The following ACSS3 variants were observed in gnomAD, a reference collection of about 807,000 sequenced individuals.
ACSS3 encodes acyl-CoA synthetase short chain family member 3.
Under a neutral mutation model 84.2 loss-of-function variants are expected in ACSS3, and 64 were observed. The observed-to-expected ratio is 0.76, with a 90% CI of 0.62 to 0.94. The LOEUF (loss-of-function observed/expected upper bound fraction) is 0.94, where lower values mean the gene tolerates loss of function less well. Among genes scored for constraint, ACSS3 ranks in the 40% least tolerant of loss-of-function variants. ACSS3 has a pLI of 0.00. For synonymous variants in ACSS3, 317 were observed against 310.1 expected (o/e 1.02, Z -0.23); for missense variants, 815 against 867.6 (o/e 0.94, Z 0.76).
chr12:81,108,165 G>A (rs572386903), intron 1 of ACSS3, among the ~76,000 whole-genome samples: 23 of 151,924 alleles, frequency 1.5e-4, no homozygotes, highest in Non-Finnish European at 2.2e-4. Context: ...CTATGCTGTA[G>A]GTAATCAAAT....
intron 3 of ACSS3, among the ~76,000 whole-genome samples, chr12:81,135,645 GACAT>G (rs1205010277): frequency 6.6e-6 from 1 of 151,640 alleles, no homozygotes; most frequent in Non-Finnish European, 1.5e-5. Flanking sequence ...TGTATGCAAA[GACAT>G]ATAGAGTGGT....
At chr12:81,195,383 G>A (rs1335858294) in intron 8 of ACSS3, among the ~76,000 whole-genome samples, 4 of 151,556 alleles carry the variant, frequency 2.6e-5, no homozygotes, top group South Asian at 2.1e-4. Context: ...CATTTTAAAC[G>A]TTAAAACTTT....
At chr12:81,210,166 G>C (rs1177696708) in intron 9 of ACSS3, among the ~76,000 whole-genome samples, 2 of 152,134 alleles carry the variant, frequency 1.3e-5, no homozygotes, top group Non-Finnish European at 2.9e-5. Context: ...GCTCTGGTTT[G>C]AATGCCTCTG....
chr12:81,175,022 GGAATACTCTTATAGGAAGA>G (rs2030370966), intron 8 of ACSS3, 83 bp downstream of exon 8: 1 of 1,477,946 alleles, frequency 6.8e-7, no homozygotes, highest in South Asian at 1.4e-5. Flanking sequence ...TTCTGGTACT[GGAATACTCTTATAGGAAGA>G]GCCAAAAGAT....
At chr12:81,152,701 T>C (rs984650441) in intron 7 of ACSS3, among the ~76,000 whole-genome samples, 3 of 152,176 alleles carry the variant, frequency 2.0e-5, no homozygotes, top group African/African-American at 7.2e-5. Flanking sequence ...TTAGAAAACA[T>C]ACCTATCAGA....
chr12:81,145,876 T>G (rs1431024217), intron 5 of ACSS3, among the ~76,000 whole-genome samples: 1 of 152,170 alleles, frequency 6.6e-6, no homozygotes, highest in African/African-American at 2.4e-5. Flanking sequence ...GGTACAGGAC[T>G]GGTGATTAAA....
intron 8 of ACSS3, among the ~76,000 whole-genome samples, chr12:81,180,210 T>C (rs1216421767): frequency 6.6e-6 from 1 of 152,104 alleles, no homozygotes; most frequent in African/African-American, 2.4e-5. Context: ...AAGGGAACAA[T>C]AGACACAAGG....
Position 81,257,241 on chromosome 12 carries a change from T to C in ACSS3, c.*2319T>C, listed in dbSNP as rs920335671. 6.6e-6 allele frequency: 1 copy of C among 152,128 alleles called. No homozygotes were observed. Among genetic ancestry groups the C allele is most frequent in the Non-Finnish European group, 1.5e-5 (1 of 68,026 alleles). The allele number at this position is 152,128 out of a possible 1,614,324, so 9.4% of individuals were successfully genotyped here. Reference sequence around the variant, plus strand: ...TGCTGGAGACTGGGGAAGTGGCTATTTCCTGTGTCTCACTGGGGAATTGCA... The same window carrying C: ...TGCTGGAGACTGGGGAAGTGGCTATCTCCTGTGTCTCACTGGGGAATTGCA... On this transcript the variant is annotated 3_prime_UTR_variant, in exon 16 of 16. Transcript: ENST00000548058.
At chr12:81,215,557 G>A (rs1296209225) in intron 9 of ACSS3, among the ~76,000 whole-genome samples, 3 of 152,152 alleles carry the variant, frequency 2.0e-5, no homozygotes, top group African/African-American at 7.2e-5. Context: ...CATGGTAGAA[G>A]GAACACATTC....
At chr12:81,135,824 C>T (rs1885771881) in intron 3 of ACSS3, among the ~76,000 whole-genome samples, 1 of 152,064 alleles carries the variant, frequency 6.6e-6, no homozygotes, top group Admixed American at 6.6e-5. Flanking sequence ...CTGTTAATCA[C>T]ACATTTGTTT....
intron 7 of ACSS3, among the ~76,000 whole-genome samples, chr12:81,174,384 A>T (rs887845573): frequency 1.3e-4 from 20 of 152,258 alleles, no homozygotes; most frequent in Non-Finnish European, 2.9e-5. Flanking sequence ...TTTTTCTCAA[A>T]TGTTTTGAGA....
At chr12:81,119,807 C>A (rs1215177311) in intron 2 of ACSS3, among the ~76,000 whole-genome samples, 1 of 152,170 alleles carries the variant, frequency 6.6e-6, no homozygotes, top group African/African-American at 2.4e-5. Context: ...GTTTTACAAT[C>A]AATTTGTACA....
Position 81,138,350 on chromosome 12 carries a change from A to G in ACSS3, c.646-781A>G, listed in dbSNP as rs1049309609. Among the ~76,000 whole-genome samples, 6 of 152,238 alleles carry G rather than the reference A, an allele frequency of 3.9e-5. No homozygotes were observed. In the East Asian group the frequency reaches 1.2e-3, roughly 29 times the overall value. On this transcript the variant is annotated intron_variant, in intron 3 of 15. Coordinates refer to ENST00000548058, the MANE Select transcript of ACSS3 (RefSeq NM_024560.4). Reference sequence around the variant, plus strand: ...ATAAATGACATCCAAACTTGGCCTTATAGAGCTTACTGTGCAGTAATAGAG... The same window carrying G: ...ATAAATGACATCCAAACTTGGCCTTGTAGAGCTTACTGTGCAGTAATAGAG...
intron 9 of ACSS3, among the ~76,000 whole-genome samples, chr12:81,213,586 C>CT (rs1341005524): frequency 0.063 from 443 of 6,990 alleles, 69 homozygotes; most frequent in African/African-American, 0.15. Context: ...CCTCTCCTCC[C>CT]CTCCCCTCCC....
chr12:81,122,073 C>T (rs1884664617), intron 2 of ACSS3, among the ~76,000 whole-genome samples: 1 of 151,870 alleles, frequency 6.6e-6, no homozygotes, highest in African/African-American at 2.4e-5. Flanking sequence ...GCTGGGACTA[C>T]AGGTGCGTGG....
intron 11 of ACSS3, among the ~76,000 whole-genome samples, chr12:81,228,001 C>T (rs1593221030): frequency 6.6e-6 from 1 of 151,890 alleles, no homozygotes; most frequent in East Asian, 1.9e-4. Context: ...CATATGATGT[C>T]CCTCTATAAG....
At chr12:81,237,310 C>G (rs972030818) in intron 13 of ACSS3, among the ~76,000 whole-genome samples, 1 of 151,432 alleles carries the variant, frequency 6.6e-6, no homozygotes, top group African/African-American at 2.4e-5. Flanking sequence ...AAGATCTGAG[C>G]AATTCATTAG....
chr12:81,142,976 A>G (rs1886163152), intron 4 of ACSS3, 131 bp from the exon 5 acceptor site: 1 of 833,184 alleles, frequency 1.2e-6, no homozygotes, highest in African/African-American at 1.8e-5. Context: ...TTAGTCATAA[A>G]TCTGATGTTC....
At chr12:81,188,410 A>G (rs2031390258) in intron 8 of ACSS3, among the ~76,000 whole-genome samples, 1 of 152,088 alleles carries the variant, frequency 6.6e-6, no homozygotes, top group African/African-American at 2.4e-5. Context: ...CAGAATTTTA[A>G]AAGTTATAAT....
Sources: gnomAD v4.1 joint callset for allele counts (sites outside exome capture counted in the v4.1 genomes callset) on GRCh38, gnomAD v4.1.1 for gene constraint, MANE v1.5 for transcripts, NCBI Gene and HGNC (gene_info 2026-07-23, HGNC 2026-07-21) for gene names.